The following CELSR1 variants were observed in gnomAD, a reference collection of about 807,000 sequenced individuals.
CELSR1 encodes adhesion G protein-coupled receptor C1.
A neutral mutation model predicts 249.1 loss-of-function variants in CELSR1; 110 were observed. The observed-to-expected ratio is 0.44, with a 90% CI of 0.38 to 0.52. The LOEUF (loss-of-function observed/expected upper bound fraction) is 0.52. Among genes scored for constraint, CELSR1 ranks in the 20% least tolerant of loss-of-function variants. CELSR1 has a pLI of 0.00. For missense variants in CELSR1, 4,109 were observed against 4,296.4 expected, an observed-to-expected ratio of 0.96 and a Z score of 1.22; for synonymous variants, 2,113 against 1,900.0, an observed-to-expected ratio of 1.11 and a Z score of -2.92.
rs1172356566 is a variant in CELSR1 at position 46,366,440 on chromosome 22, T to C, written c.8246A>G (p.Asp2749Gly). The C allele has an allele frequency of 1.3e-6, 2 of 1,550,280 alleles. No homozygotes were observed. The highest frequency in any genetic ancestry group is 2.0e-5 in the Admixed American group (1 of 50,978). ...NCNTTFGDGP[D>G]MLRTDLGEST... is the part of the protein sequence containing the mutation. ...CTCGCCCAAGTCTGTGCGCAGCATG[T>C]CAGGCCCGTCACCGAAGGTGGTGTT... Residue 2749 changes from aspartate to glycine, a missense_variant, in exon 30 of 35, where the codon GAC becomes GGC. Asp to Gly is a moderately conservative substitution (Grantham distance 94). Around this residue, in one of 7 missense-constraint regions of CELSR1, gnomAD observed 1,805 missense variants for 1,831.6 expected, o/e 0.99. Transcript: ENST00000674500.
At position 46,488,752 on chromosome 22, in the gene CELSR1, C is replaced by T. The variant is rs1423724076; in HGVS notation, c.3545-24407G>A. On this transcript the variant is annotated intron_variant, in intron 1 of 34. Transcript: ENST00000674500. The surrounding 1 kb of genome is among the most constrained non-coding windows in gnomAD (Gnocchi z 4.7). ...TCGGCTCACTGCAAGCTCCACCTCC[C>T]AGGTTCATGCCATTCTCCTGCCTCA... Among the ~76,000 whole-genome samples the T allele has an allele frequency of 6.6e-6, 1 of 151,850 alleles. No individual in the cohort carries two copies. The highest frequency in any genetic ancestry group is 1.5e-5 in the Non-Finnish European group (1 of 67,964).
Position 46,391,322 on chromosome 22 carries a change from G to T in CELSR1, c.6149-35C>A. ...AGAAGAGAGAAGTCTGCTCAGCGGGGCACGCCACACCCACGACCACAAACA... is the reference window on the plus strand; with the variant it reads ...AGAAGAGAGAAGTCTGCTCAGCGGGTCACGCCACACCCACGACCACAAACA... On this transcript the variant is annotated intron_variant, in intron 15 of 34. Transcript: ENST00000674500. The surrounding 1 kb of genome is among the most constrained non-coding windows in gnomAD (Gnocchi z 4.3). 1 of 1,580,034 alleles carries T rather than the reference G, an allele frequency of 6.3e-7. No individual in the cohort carries two copies. The highest frequency in any genetic ancestry group is 8.7e-7 in the Non-Finnish European group (1 of 1,151,692).
chr22:46,365,392 CG>C lies in CELSR1; in HGVS notation c.8405-13del, dbSNP rs771960047. 1 of 1,612,040 alleles carries C rather than the reference CG, an allele frequency of 6.2e-7. No individual in the cohort carries two copies. The highest frequency in any genetic ancestry group is 1.1e-5 in the South Asian group (1 of 91,020). The stretch of plus-strand genomic sequence containing the variant: ...GTCGGAATCGTGGCCTGTGGATGCG[CG>C]GGGGACAGGGAGGCTCAGGCCCTGG... On this transcript the variant is annotated splice_polypyrimidine_tract_variant and intron_variant, in intron 31 of 34. Transcript: ENST00000674500.
chr22:46,409,198 C>T lies in CELSR1; in HGVS notation c.5060-36G>A, dbSNP rs1453873787. 6 of 1,603,208 alleles carry T rather than the reference C, an allele frequency of 3.7e-6. No individual in the cohort carries two copies. Among genetic ancestry groups the T allele is most frequent in the African/African-American group, 2.7e-5 (2 of 74,304 alleles). On this transcript the variant is annotated intron_variant, in intron 8 of 34. Coordinates refer to ENST00000674500, the MANE Select transcript of CELSR1 (RefSeq NM_001378328.1). This position sits in a 1 kb window ranked among gnomAD's most constrained non-coding sequence, Gnocchi z 9.8. ...AGGCCCAGGGACCTCAGGTGTCTCC[C>T]GAAATCACACGGCCGCGGACTTGGC...
At position 46,390,536 on chromosome 22, in the gene CELSR1, A is replaced by C. The variant is rs370352953; in HGVS notation, c.6251-50T>G. The C allele has an allele frequency of 7.8e-6, 11 of 1,416,180 alleles. No individual in the cohort carries two copies. Among genetic ancestry groups the C allele is most frequent in the African/African-American group, 4.2e-5 (3 of 70,822 alleles). 87.7% of individuals were successfully genotyped at this position (1,416,180 alleles called of 1,614,324 possible). On this transcript the variant is annotated intron_variant, in intron 16 of 34. Transcript: ENST00000674500. The surrounding 1 kb of genome is among the most constrained non-coding windows in gnomAD (Gnocchi z 6.3). Reference sequence around the variant, plus strand: ...AAGCCTGAAACTCAAACTGTTGATCAATGCTTGTGTATTTCAATCCACAAT... The same window carrying C: ...AAGCCTGAAACTCAAACTGTTGATCCATGCTTGTGTATTTCAATCCACAAT...
rs770552213 is a variant in CELSR1 at position 46,409,844 on chromosome 22, C to T, written c.4970G>A (p.Arg1657Gln). 51 of 1,613,648 alleles carry T rather than the reference C, an allele frequency of 3.2e-5. No individual in the cohort carries two copies. The highest frequency in any genetic ancestry group is 2.1e-4 in the South Asian group (19 of 91,084). ...GACACAGGTGCCTCCATTCTGACAC[C>T]GCCTCCCATCGCAGAAGTTCCTCCG... ...AARRNFCDGRRCQNGGTCVNR... is the reference protein window; with the variant it reads ...AARRNFCDGRQCQNGGTCVNR... Residue 1657 changes from arginine (R) to glutamine (Q), a missense_variant, in exon 8 of 35, where the codon CGG becomes CAG. This residue lies in a region of CELSR1 where 453 missense variants were observed against 492.0 expected (regional missense o/e 0.92). Transcript: ENST00000674500. The surrounding 1 kb of genome is among the most constrained non-coding windows in gnomAD (Gnocchi z 9.8).
At chr22:46,504,993 C>T (rs1004907160) in intron 1 of CELSR1, among the ~76,000 whole-genome samples, 19 of 152,244 alleles carry the variant, frequency 1.2e-4, no homozygotes, top group South Asian at 4.1e-4. Context: ...CCGGGTGCGG[C>T]GGCTCACGCC....
At position 46,380,596 on chromosome 22, in the gene CELSR1, C is replaced by T. The variant is rs1195545790; in HGVS notation, c.7256+192G>A. ...AGGTCTGTGTGCATCTGTGTGTGGACATCTAGGGGAGGACTCTGATATTCC... is the reference window on the plus strand; with the variant it reads ...AGGTCTGTGTGCATCTGTGTGTGGATATCTAGGGGAGGACTCTGATATTCC... On this transcript the variant is annotated intron_variant, in intron 22 of 34. Coordinates refer to ENST00000674500, the MANE Select transcript of CELSR1 (RefSeq NM_001378328.1). This position sits in a 1 kb window ranked among gnomAD's most constrained non-coding sequence, Gnocchi z 5.1. 6.6e-6 allele frequency among the ~76,000 whole-genome samples: 1 copy of T among 152,202 alleles called. No homozygotes were observed. Among genetic ancestry groups the T allele is most frequent in the African/African-American group, 2.4e-5 (1 of 41,448 alleles).
Position 46,496,024 on chromosome 22 carries a change from T to C in CELSR1, c.3545-31679A>G, listed in dbSNP as rs183966989. 5.2e-3 allele frequency among the ~76,000 whole-genome samples: 782 copies of C among 150,994 alleles called. 1 individual carries two copies. The highest frequency in any genetic ancestry group is 7.7e-3 in the Non-Finnish European group (524 of 67,804). On this transcript the variant is annotated intron_variant, in intron 1 of 34. Transcript: ENST00000674500. ...CCCTGGCCAACATGGTGAAACCCTG[T>C]CTCTACTAAAAATATAAAAATTAGC...
chr22:46,447,467 A>G lies in CELSR1; in HGVS notation c.4184-8056T>C, dbSNP rs1038664717. 2.0e-5 allele frequency among the ~76,000 whole-genome samples: 3 copies of G among 152,094 alleles called. No homozygotes were observed. Among genetic ancestry groups the G allele is most frequent in the African/African-American group, 7.2e-5 (3 of 41,416 alleles). ...ATTCAAACCTGGGGGAAATTCACCC[A>G]TACTCTGCACACCCCCATCACCATG... is the stretch of plus-strand genomic sequence containing the variant. On this transcript the variant is annotated intron_variant, in intron 2 of 34. Coordinates refer to ENST00000674500, the MANE Select transcript of CELSR1 (RefSeq NM_001378328.1). This position sits in a 1 kb window ranked among gnomAD's most constrained non-coding sequence, Gnocchi z 4.7.
At chr22:46,522,074 G>A (rs549165588) in intron 1 of CELSR1, among the ~76,000 whole-genome samples, 2 of 152,172 alleles carry the variant, frequency 1.3e-5, no homozygotes, top group East Asian at 3.9e-4. Context: ...TGCAGGTTTG[G>A]GGTTTTTTTG....
At chr22:46,496,588 C>T (rs993618407) in intron 1 of CELSR1, among the ~76,000 whole-genome samples, 2 of 151,660 alleles carry the variant, frequency 1.3e-5, no homozygotes, top group Non-Finnish European at 2.9e-5. Context: ...TATATTTTTT[C>T]TTTCTTTATA....
chr22:46,445,969 G>C lies in CELSR1; in HGVS notation c.4184-6558C>G, dbSNP rs2079814801. Among the ~76,000 whole-genome samples, 1 of 152,052 alleles carries C rather than the reference G, an allele frequency of 6.6e-6. No homozygotes were observed. The highest frequency in any genetic ancestry group is 2.4e-5 in the African/African-American group (1 of 41,402). On this transcript the variant is annotated intron_variant, in intron 2 of 34. Transcript: ENST00000674500. The surrounding 1 kb of genome is among the most constrained non-coding windows in gnomAD (Gnocchi z 4.4). ...CCCTCGCCTCGCGGCCCCTGCTCCTGCCGCACAGCCTCCAGACCTACTTGT... is the reference window on the plus strand; with the variant it reads ...CCCTCGCCTCGCGGCCCCTGCTCCTCCCGCACAGCCTCCAGACCTACTTGT...
chr22:46,486,985 T>C (rs1489363579), intron 1 of CELSR1, among the ~76,000 whole-genome samples: 3 of 152,166 alleles, frequency 2.0e-5, no homozygotes, highest in Non-Finnish European at 4.4e-5. Context: ...ACACGTTTAC[T>C]GAGCACCTAC....
intron 25 of CELSR1, among the ~76,000 whole-genome samples, chr22:46,371,909 C>G (rs2078856105): frequency 6.6e-6 from 1 of 150,882 alleles, no homozygotes; most frequent in Admixed American, 6.6e-5. Context: ...CTCCATCCCT[C>G]CATCCACCCA....
Position 46,423,101 on chromosome 22 carries a change from C to G in CELSR1, c.4611+10292G>C, listed in dbSNP as rs774739509. Among the ~76,000 whole-genome samples the G allele has an allele frequency of 6.6e-6, 1 of 152,110 alleles. No homozygotes were observed. The highest frequency in any genetic ancestry group is 1.5e-5 in the Non-Finnish European group (1 of 68,018). On this transcript the variant is annotated intron_variant, in intron 5 of 34. Coordinates refer to ENST00000674500, the MANE Select transcript of CELSR1 (RefSeq NM_001378328.1). The surrounding 1 kb of genome is among the most constrained non-coding windows in gnomAD (Gnocchi z 5.6). Reference sequence around the variant, plus strand: ...ACACGAGATAAGGCCTGGAAAGCACCGTGCACTGGGACTCGCCCTCTCTGG... The same window carrying G: ...ACACGAGATAAGGCCTGGAAAGCACGGTGCACTGGGACTCGCCCTCTCTGG...
chr22:46,536,746 G>A lies in CELSR1; in HGVS notation c.425C>T (p.Ala142Val). The change falls in exon 1 of 35, where the codon GCG (alanine) becomes GTG (valine). Residue 142 changes from alanine (A) to valine (V), a missense_variant. By Grantham distance (64) the Ala-to-Val change is moderately conservative. Transcript: ENST00000674500. Reference sequence around the variant, plus strand: ...CGGAGCTGCGAGCGCCGAATGCTGCGCGGCCGCGCAGCCGCCGGGGACGGG... The same window carrying A: ...CGGAGCTGCGAGCGCCGAATGCTGCACGGCCGCGCAGCCGCCGGGGACGGG... ...CFPVPGGCAA[A>V]QHSALAAPTT... 1.7e-6 allele frequency: 2 copies of A among 1,182,996 alleles called. No homozygotes were observed. The highest frequency in any genetic ancestry group is 2.1e-6 in the Non-Finnish European group (2 of 957,774). The allele number at this position is 1,182,996 out of a possible 1,614,324, so 73.3% of individuals were successfully genotyped here.
intron 2 of CELSR1, among the ~76,000 whole-genome samples, chr22:46,451,042 G>A (rs117336955): frequency 6.6e-6 from 1 of 152,142 alleles, no homozygotes; most frequent in Non-Finnish European, 1.5e-5. Flanking sequence ...ACCCCTCCAT[G>A]CCCCACTCCC....
chr22:46,411,951 C>T lies in CELSR1; in HGVS notation c.4612-192G>A, dbSNP rs1177515894. 6.6e-6 allele frequency among the ~76,000 whole-genome samples: 1 copy of T among 152,234 alleles called. No individual in the cohort carries two copies. The highest frequency in any genetic ancestry group is 1.5e-5 in the Non-Finnish European group (1 of 68,036). On this transcript the variant is annotated intron_variant, in intron 5 of 34. Coordinates refer to ENST00000674500, the MANE Select transcript of CELSR1 (RefSeq NM_001378328.1). This position sits in a 1 kb window ranked among gnomAD's most constrained non-coding sequence, Gnocchi z 4.2. ...CTGCTCAATGCCCCCTCAAGTTCTGCTTCCCAGAATCTCAGAACGTGGCCT... is the reference window on the plus strand; with the variant it reads ...CTGCTCAATGCCCCCTCAAGTTCTGTTTCCCAGAATCTCAGAACGTGGCCT...
Sources: allele counts gnomAD v4.1 joint callset (sites outside exome capture counted in the v4.1 genomes callset), GRCh38; gene constraint gnomAD v4.1.1; regional missense constraint gnomAD v4.1.1; non-coding constraint Gnocchi (gnomAD v3.1); transcripts MANE v1.5; gene names NCBI Gene and HGNC (gene_info 2026-07-23, HGNC 2026-07-21).